Variants in MGAT5 observed in about 807,000 individuals in gnomAD.
The protein encoded by MGAT5 is alpha-1,6-mannosylglycoprotein 6-beta-N-acetylglucosaminyltransferase.
Under a neutral mutation model 94.3 loss-of-function variants are expected in MGAT5, and 30 were observed. That is an observed-to-expected ratio of 0.32 (90% CI 0.24 to 0.43). The LOEUF (loss-of-function observed/expected upper bound fraction) is 0.43, where lower values mean the gene tolerates loss of function less well. Among genes scored for constraint, MGAT5 ranks in the 20% least tolerant of loss-of-function variants. MGAT5 has a pLI of 1.00. For synonymous variants in MGAT5, 310 were observed against 322.9 expected (o/e 0.96, Z 0.43); for missense variants, 691 against 905.5 (o/e 0.76, Z 3.04).
intron 15 of MGAT5, among the ~76,000 whole-genome samples, chr2:134,444,591 T>C (rs1685669106): frequency 6.6e-6 from 1 of 152,250 alleles, no homozygotes; most frequent in Non-Finnish European, 1.5e-5. Context: ...TCCATATTCA[T>C]AGCCAATTAG....
intron 12 of MGAT5, among the ~76,000 whole-genome samples, chr2:134,416,474 CTTT>C (rs71275904): frequency 7.2e-6 from 1 of 139,172 alleles, no homozygotes. Flanking sequence ...TCATTCCTTA[CTTT>C]TTTTTTTTGG....
intron 1 of MGAT5, among the ~76,000 whole-genome samples, chr2:134,199,260 A>G (rs1016771823): frequency 6.6e-6 from 1 of 152,030 alleles, no homozygotes; most frequent in Non-Finnish European, 1.5e-5. Flanking sequence ...CTCTGATAAG[A>G]GGGCAGTGTG....
intron 1 of MGAT5, among the ~76,000 whole-genome samples, chr2:134,186,389 T>G (rs1689032528): frequency 6.6e-6 from 1 of 152,046 alleles, no homozygotes; most frequent in Non-Finnish European, 1.5e-5. Flanking sequence ...TCTTTTTTTT[T>G]TTTTACTTGG....
chr2:134,412,921 T>C lies in MGAT5; in HGVS notation c.1583T>C (p.Ile528Thr). 1 of 1,614,214 alleles carries C rather than the reference T, an allele frequency of 6.2e-7. No individual in the cohort carries two copies. The highest frequency in any genetic ancestry group is 8.5e-7 in the Non-Finnish European group (1 of 1,180,020). ...GAGGGCCCAGCTCCCCTGGAAGCTA[T>C]CGCAAATGGATGTGCTTTTCTGAAT... ...PYEGPAPLEAIANGCAFLNPK... is the reference protein window; with the variant it reads ...PYEGPAPLEATANGCAFLNPK... The change falls in exon 12 of 16, where the codon ATC (isoleucine) becomes ACC (threonine). Residue 528 changes from isoleucine to threonine, a missense_variant. Ile to Thr is a moderately conservative substitution (Grantham distance 89). This residue lies in a region of MGAT5 where 260 missense variants were observed against 347.0 expected (regional missense o/e 0.75). Transcript: ENST00000281923.
At chr2:134,242,880 G>C (rs1050427040) in intron 1 of MGAT5, among the ~76,000 whole-genome samples, 7 of 152,116 alleles carry the variant, frequency 4.6e-5, no homozygotes, top group Non-Finnish European at 1.0e-4. Context: ...CATAGTGTGG[G>C]ATGATCTAAC....
intron 1 of MGAT5, among the ~76,000 whole-genome samples, chr2:134,130,581 C>T (rs573765896): frequency 2.6e-4 from 40 of 152,176 alleles, no homozygotes; most frequent in Middle Eastern, 3.4e-3. Flanking sequence ...CCAATCAGCA[C>T]TTTGTATCTA....
chr2:134,335,162 G>T (rs745781190), intron 4 of MGAT5, among the ~76,000 whole-genome samples: 3 of 151,512 alleles, frequency 2.0e-5, no homozygotes, highest in Non-Finnish European at 2.9e-5. Context: ...AACTTACCCA[G>T]ACTGAGAGGG....
At chr2:134,400,557 T>C (rs13012494) in intron 10 of MGAT5, among the ~76,000 whole-genome samples, 31,895 of 152,064 alleles carry the variant, frequency 0.21, 3,592 homozygotes, top group Middle Eastern at 0.28. Context: ...GATTTAATGG[T>C]AATACATATG....
intron 14 of MGAT5, among the ~76,000 whole-genome samples, chr2:134,433,068 T>G (rs944931486): frequency 6.6e-6 from 1 of 152,224 alleles, no homozygotes; most frequent in African/African-American, 2.4e-5. Context: ...AAAACTCATT[T>G]GTCCCTGTTA....
chr2:134,358,423 C>T (rs1398041133), intron 9 of MGAT5, among the ~76,000 whole-genome samples: 1 of 152,040 alleles, frequency 6.6e-6, no homozygotes, highest in Non-Finnish European at 1.5e-5. Flanking sequence ...ACCAATAAAT[C>T]CATTTGTATT....
intron 2 of MGAT5, among the ~76,000 whole-genome samples, chr2:134,287,002 T>C (rs1685051330): frequency 6.6e-6 from 1 of 152,204 alleles, no homozygotes; most frequent in African/African-American, 2.4e-5. Context: ...TTCTGACTCT[T>C]CTGTGACATC....
At position 134,274,397 on chromosome 2, in the gene MGAT5, C is replaced by T. The variant is rs538346034; in HGVS notation, c.406+3847C>T. ...CTAGTTCTCAGACCTTAGCAGACAC[C>T]GCCTAAGAAGTGGGACTGCCTTTTT... On this transcript the variant is annotated intron_variant, in intron 2 of 15. Transcript: ENST00000281923. 5.3e-5 allele frequency among the ~76,000 whole-genome samples: 8 copies of T among 152,116 alleles called. No individual in the cohort carries two copies. The East Asian group carries it at 9.6e-4, about 18-fold the overall frequency.
intron 2 of MGAT5, 91 bp downstream of exon 2, chr2:134,270,641 C>T: frequency 7.8e-7 from 1 of 1,276,820 alleles, no homozygotes; most frequent in Non-Finnish European, 1.1e-6. Context: ...CTTACTGGAA[C>T]CTGCATAATA....
chr2:134,189,610 T>TGTTTTGTTTTGTTTTG (rs1352982152), intron 1 of MGAT5, among the ~76,000 whole-genome samples: 2 of 135,584 alleles, frequency 1.5e-5, no homozygotes, highest in Non-Finnish European at 3.2e-5. Context: ...TTGTTTTTTT[T>TGTTTTGTTTTGTTTTG]TTTTTTTTTT....
In MGAT5 at chr2:134,299,176, A is replaced by C. The variant is rs945661726; in HGVS notation, c.407-18353A>C. On this transcript the variant is annotated intron_variant, in intron 2 of 15. Transcript: ENST00000281923. Reference sequence around the variant, plus strand: ...CTGTGAGCCAGTGTTATTCTGGAGCATACAAAAGCAGACTGACACATGGCC... The same window carrying C: ...CTGTGAGCCAGTGTTATTCTGGAGCCTACAAAAGCAGACTGACACATGGCC... 2.0e-5 allele frequency among the ~76,000 whole-genome samples: 3 copies of C among 152,200 alleles called. No homozygotes were observed. The South Asian group carries it at 6.2e-4, about 31-fold the overall frequency.
At chr2:134,423,000 T>C in intron 13 of MGAT5, 81 bp downstream of exon 13, 1 of 1,004,472 alleles carries the variant, frequency 1.0e-6, no homozygotes, top group Non-Finnish European at 1.6e-6. Context: ...TCCTTGTTTT[T>C]AGCAAACAGA....
intron 4 of MGAT5, among the ~76,000 whole-genome samples, chr2:134,332,819 A>C (rs1241608720): frequency 1.3e-5 from 2 of 152,230 alleles, no homozygotes; most frequent in African/African-American, 4.8e-5. Flanking sequence ...ATGCAGCCAA[A>C]AAACACATGA....
chr2:134,288,976 G>T (rs1233890561), intron 2 of MGAT5, among the ~76,000 whole-genome samples: 2 of 152,212 alleles, frequency 1.3e-5, no homozygotes, highest in African/African-American at 4.8e-5. Context: ...GGAAGCCAGT[G>T]GTTAGCACCT....
intron 14 of MGAT5, among the ~76,000 whole-genome samples, chr2:134,430,939 G>A (rs1401664672): frequency 1.3e-5 from 2 of 152,180 alleles, no homozygotes; most frequent in African/African-American, 2.4e-5. Context: ...GAAGCAACAG[G>A]ATGCTTGGGG....
Sources: gnomAD v4.1 joint callset for allele counts (sites outside exome capture counted in the v4.1 genomes callset) on GRCh38, gnomAD v4.1.1 for gene constraint, gnomAD v4.1.1 regional missense constraint, MANE v1.5 for transcripts, NCBI Gene and HGNC (gene_info 2026-07-23, HGNC 2026-07-21) for gene names.